Variants in ANXA4 observed in about 807,000 individuals in gnomAD.
ANXA4 encodes annexin A4.
A neutral mutation model predicts 49.8 loss-of-function variants in ANXA4; 39 were observed. The ratio of observed to expected loss-of-function variants is 0.78; its 90% CI spans 0.61 to 1.02. ANXA4 has a LOEUF of 1.02. ANXA4 is among the 50% of genes least tolerant of loss of function. The pLI is 0.00. For synonymous variants in ANXA4, 134 were observed against 152.5 expected, an observed-to-expected ratio of 0.88 and a Z score of 0.89; for missense variants, 360 against 410.1, an observed-to-expected ratio of 0.88 and a Z score of 1.05.
chr2:69,816,059 A>G (rs1202971749), intron 8 of ANXA4, 42 bp from the exon 9 acceptor site: 1 of 1,522,336 alleles, frequency 6.6e-7, no homozygotes, highest in Admixed American at 1.7e-5. Flanking sequence ...GTCCTGGCAC[A>G]TCGTTTTTGG....
chr2:69,815,349 CAG>C (rs1673944040), intron 8 of ANXA4: 2 of 152,118 alleles, frequency 1.3e-5, no homozygotes, highest in South Asian at 4.1e-4. Context: ...GTGAGGGAAT[CAG>C]AGAAAGAAGT....
chr2:69,722,895 G>C lies in ANXA4; in HGVS notation n.864+2024G>C, dbSNP rs572987185. 1.7e-4 allele frequency among the ~76,000 whole-genome samples: 26 copies of C among 151,796 alleles called. No individual in the cohort carries two copies. The East Asian group carries it at 4.4e-3, about 26-fold the overall frequency. ...GAAAGAATAATGAAGGAAATAGGCC[G>C]GGCATGGTGGCTCATGCCTGTAATC... On this transcript the variant is annotated intron_variant and non_coding_transcript_variant, in intron 3 of 3. Coordinates refer to the ANXA4 transcript ENST00000418066.
At chr2:69,767,235 T>C (rs995190781) in intron 1 of ANXA4, among the ~76,000 whole-genome samples, 2 of 152,232 alleles carry the variant, frequency 1.3e-5, no homozygotes, top group South Asian at 4.1e-4. Flanking sequence ...TTTTTGGCAT[T>C]CCTTTCTCTA....
At chr2:69,759,104 C>G (rs1295995944) in intron 1 of ANXA4, among the ~76,000 whole-genome samples, 1 of 144,932 alleles carries the variant, frequency 6.9e-6, no homozygotes, top group Non-Finnish European at 1.5e-5. Context: ...CCACTGCACT[C>G]CAGCGACAGA....
chr2:69,738,392 C>T (rs1670298140), upstream of ANXA4, among the ~76,000 whole-genome samples: 1 of 152,144 alleles, frequency 6.6e-6, no homozygotes, highest in African/African-American at 2.4e-5. Flanking sequence ...GGGAAGAATA[C>T]CAAGCAGCTC....
chr2:69,694,803 A>G (rs909578712), intron 2 of ANXA4, among the ~76,000 whole-genome samples: 5 of 152,008 alleles, frequency 3.3e-5, no homozygotes, highest in African/African-American at 1.2e-4. Context: ...AATTTTAAAT[A>G]TTTTCAGAGA....
chr2:69,675,431 T>G (rs1343085503), intron 2 of ANXA4, among the ~76,000 whole-genome samples: 2 of 152,236 alleles, frequency 1.3e-5, no homozygotes, highest in African/African-American at 4.8e-5. Context: ...AGATTAAAAT[T>G]TTATTTTAAA....
rs946774707 is a variant in ANXA4, at chr2:69,689,672, C to T, written n.767-31102C>T. ...AAATTAAAGTCACTTGAAGTAGTTC[C>T]TTCCTGTGTGGTTATTCCGCCAACT... On this transcript the variant is annotated intron_variant and non_coding_transcript_variant, in intron 2 of 3. Coordinates refer to the ANXA4 transcript ENST00000418066. Among the ~76,000 whole-genome samples, 34 of 152,196 alleles carry T rather than the reference C, an allele frequency of 2.2e-4. 1 individual carries two copies. The highest frequency in any genetic ancestry group is 1.9e-3 in the Admixed American group (29 of 15,290).
chr2:69,821,482 T>G (rs775335128), intron 12 of ANXA4, among the ~76,000 whole-genome samples: 1 of 152,170 alleles, frequency 6.6e-6, no homozygotes, highest in Non-Finnish European at 1.5e-5. Context: ...TGCAGATTTT[T>G]TTTTTTAGAT....
chr2:69,812,577 C>A, intron 7 of ANXA4, 76 bp from the exon 8 acceptor site: 1 of 1,281,406 alleles, frequency 7.8e-7, no homozygotes, highest in Non-Finnish European at 1.1e-6. Flanking sequence ...TTACTCTAGA[C>A]CTGCTATCTT....
At chr2:69,655,681 T>A (rs1321500529) in intron 2 of ANXA4, among the ~76,000 whole-genome samples, 1 of 152,192 alleles carries the variant, frequency 6.6e-6, no homozygotes, top group Non-Finnish European at 1.5e-5. Flanking sequence ...TTACTGAGTA[T>A]ATACCCAAAG....
At chr2:69,665,720 G>T (rs1559057599) in intron 2 of ANXA4, among the ~76,000 whole-genome samples, 1 of 152,072 alleles carries the variant, frequency 6.6e-6, no homozygotes, top group Non-Finnish European at 1.5e-5. Flanking sequence ...GTAGACACAA[G>T]TGATAAAAAA....
At chr2:69,813,544 C>T (rs1369887924) in intron 8 of ANXA4, among the ~76,000 whole-genome samples, 2 of 151,980 alleles carry the variant, frequency 1.3e-5, no homozygotes, top group Non-Finnish European at 1.5e-5. Context: ...AGCCATCGCG[C>T]GTGGCCCACT....
rs530370759 is a variant in ANXA4 at position 69,682,560 on chromosome 2, T to C, written n.766+29278T>C. Among the ~76,000 whole-genome samples the C allele has an allele frequency of 6.6e-5, 10 of 152,354 alleles. No individual in the cohort carries two copies. In the East Asian group the frequency reaches 1.9e-3, roughly 29 times the overall value. Reference sequence around the variant, plus strand: ...GTGTAAATGAGTTTCTTTATATAACTTCACATTCTTTATGTAATGGTTCTT... The same window carrying C: ...GTGTAAATGAGTTTCTTTATATAACCTCACATTCTTTATGTAATGGTTCTT... On this transcript the variant is annotated intron_variant and non_coding_transcript_variant, in intron 2 of 3. Coordinates refer to the ANXA4 transcript ENST00000418066.
At chr2:69,780,476 G>A (rs1298665828) in intron 1 of ANXA4, among the ~76,000 whole-genome samples, 1 of 152,188 alleles carries the variant, frequency 6.6e-6, no homozygotes, top group African/African-American at 2.4e-5. Context: ...GATTACAGGC[G>A]TGAGCCACCA....
chr2:69,669,045 T>C (rs1677053239), intron 2 of ANXA4, among the ~76,000 whole-genome samples: 1 of 151,758 alleles, frequency 6.6e-6, no homozygotes, highest in Non-Finnish European at 1.5e-5. Context: ...CAAGTGATTC[T>C]CCTGCCTCAG....
intron 2 of ANXA4, among the ~76,000 whole-genome samples, chr2:69,672,783 C>G (rs1400700587): frequency 6.6e-6 from 1 of 151,894 alleles, no homozygotes; most frequent in Non-Finnish European, 1.5e-5. Context: ...GTGTTAATCA[C>G]TTTGTTTTTT....
Position 69,825,872 on chromosome 2 carries a change from T to A in ANXA4, c.*357T>A, listed in dbSNP as rs1208722529. The A allele has an allele frequency of 1.8e-5, 3 of 165,792 alleles. No homozygotes were observed. Among genetic ancestry groups the A allele is most frequent in the African/African-American group, 7.1e-5 (3 of 42,042 alleles). The allele number at this position is 165,792 out of a possible 1,614,324, so 10.3% of individuals were successfully genotyped here. A position where few individuals can be genotyped will look rare whatever the true frequency, so the allele number is the denominator to read the frequency against. ...GTGAAAAATTTTTTAAATGGAAGACTGTTCTAAAATCACTTTTTTCCCTAA... is the reference window on the plus strand; with the variant it reads ...GTGAAAAATTTTTTAAATGGAAGACAGTTCTAAAATCACTTTTTTCCCTAA... On this transcript the variant is annotated 3_prime_UTR_variant, in exon 13 of 13. Transcript: ENST00000394295.
intron 2 of ANXA4, among the ~76,000 whole-genome samples, chr2:69,668,497 T>A (rs1677027350): frequency 6.6e-6 from 1 of 152,202 alleles, no homozygotes; most frequent in Non-Finnish European, 1.5e-5. Flanking sequence ...CTAGAGACAA[T>A]CACTCTTGAG....
Sources: allele counts gnomAD v4.1 joint callset (sites outside exome capture counted in the v4.1 genomes callset), GRCh38; gene constraint gnomAD v4.1.1; transcripts MANE v1.5; gene names NCBI Gene and HGNC (gene_info 2026-07-23, HGNC 2026-07-21).